Variants in GRHL1 observed in about 807,000 individuals in gnomAD.
The protein encoded by GRHL1 is grainyhead like transcription factor 1, also known as grainyhead-like protein 1 homolog.
In GRHL1, 38 loss-of-function variants were observed where a neutral mutation model predicts 75.7. The ratio of observed to expected loss-of-function variants is 0.50; its 90% CI spans 0.39 to 0.66. The LOEUF (loss-of-function observed/expected upper bound fraction) is 0.66, where lower values mean the gene tolerates loss of function less well. GRHL1 is among the 30% of genes least tolerant of loss of function. GRHL1 has a pLI of 0.00. For missense variants in GRHL1, 589 were observed against 767.5 expected, an observed-to-expected ratio of 0.77 and a Z score of 2.75; for synonymous variants, 266 against 279.4, an observed-to-expected ratio of 0.95 and a Z score of 0.48.
At position 9,964,333 on chromosome 2, in the gene GRHL1, A is replaced by G. The variant is rs1667398784; in HGVS notation, c.1002A>G (p.Arg334=). 1 of 1,574,890 alleles carries G rather than the reference A, an allele frequency of 6.3e-7. No homozygotes were observed. Among genetic ancestry groups the G allele is most frequent in the Admixed American group, 1.7e-5 (1 of 59,680 alleles). Residue 334 remains arginine (R), a synonymous_variant, in exon 7 of 16, where the codon AGA becomes AGG. Transcript: ENST00000324907. Reference sequence around the variant, plus strand: ...CCCGGCAGCACACCGCTAAACAAAGATGCATTGACATAGGTAAGCAGCTCA... The same window carrying G: ...CCCGGCAGCACACCGCTAAACAAAGGTGCATTGACATAGGTAAGCAGCTCA... ...WHSRQHTAKQ[R]CIDIADYKES...
At chr2:9,956,039 T>G (rs1464743738) in intron 2 of GRHL1, among the ~76,000 whole-genome samples, 3 of 152,254 alleles carry the variant, frequency 2.0e-5, no homozygotes, top group African/African-American at 7.2e-5. Flanking sequence ...CAGGATCTGT[T>G]TGGGATTACC....
At position 9,970,394 on chromosome 2, in the gene GRHL1, C is replaced by T. The variant is rs141413031; in HGVS notation, c.1110+5013C>T. ...TGGTTTTACTGTGTTGTGCATTCCA[C>T]GCTAAAACACCCTGGAGATTTGGGC... On this transcript the variant is annotated intron_variant, in intron 8 of 15. Coordinates refer to ENST00000324907, the MANE Select transcript of GRHL1 (RefSeq NM_198182.3). Among the ~76,000 whole-genome samples, 823 of 152,342 alleles carry T rather than the reference C, an allele frequency of 5.4e-3. 10 individuals carry two copies. Among genetic ancestry groups the T allele is most frequent in the African/African-American group, 0.019 (773 of 41,574 alleles).
At chr2:9,956,791 T>C (rs545497020) in intron 2 of GRHL1, among the ~76,000 whole-genome samples, 7 of 151,528 alleles carry the variant, frequency 4.6e-5, no homozygotes, top group African/African-American at 1.7e-4. Context: ...TGAAGTTACA[T>C]ATTTTTAACT....
chr2:9,976,656 G>C (rs1340359187), intron 8 of GRHL1, among the ~76,000 whole-genome samples: 1 of 152,172 alleles, frequency 6.6e-6, no homozygotes. Context: ...CAGTGCCAGG[G>C]TGTGCGCTTA....
chr2:9,982,645 G>T (rs933119729), intron 8 of GRHL1, among the ~76,000 whole-genome samples: 1 of 152,196 alleles, frequency 6.6e-6, no homozygotes, highest in African/African-American at 2.4e-5. Context: ...TGAGTCTGGG[G>T]TGGGCACCAG....
chr2:9,972,826 G>A (rs16867266), intron 8 of GRHL1, among the ~76,000 whole-genome samples: 31,585 of 152,164 alleles, frequency 0.21, 3,447 homozygotes, highest in African/African-American at 0.27. Flanking sequence ...CCTGCTTACA[G>A]GACCGTGACA....
Position 9,986,248 on chromosome 2 carries a change from G to T in GRHL1, c.1235G>T (p.Arg412Leu). Residue 412 changes from arginine (R) to leucine (L), a missense_variant, in exon 9 of 16, where the codon CGG (arginine) becomes CTG (leucine). By Grantham distance (102) the Arg-to-Leu change is moderately radical. This residue lies in a region of GRHL1 where 30 missense variants were observed against 40.3 expected (regional missense o/e 0.74). Transcript: ENST00000324907. ...AACCGCAGCAACAAGCCTGTGCACC[G>T]GGCCTACTGCCAGATCAAGGTCTTC... ...YNNRSNKPVH[R>L]AYCQIKVFCD... 1 of 1,613,620 alleles carries T rather than the reference G, an allele frequency of 6.2e-7. No individual in the cohort carries two copies. The highest frequency in any genetic ancestry group is 8.5e-7 in the Non-Finnish European group (1 of 1,179,836).
chr2:9,964,713 A>G (rs1667415925), intron 7 of GRHL1: 1 of 184,844 alleles, frequency 5.4e-6, no homozygotes, highest in Non-Finnish European at 1.1e-5. Context: ...AAACAAGTAA[A>G]AGAAAGATAT....
intron 10 of GRHL1, 125 bp from the exon 11 acceptor site, chr2:9,991,882 T>C: frequency 1.6e-6 from 1 of 631,788 alleles, no homozygotes; most frequent in African/African-American, 1.9e-5. Context: ...GCGTGCCCTG[T>C]TGTATCTTAC....
chr2:9,997,002 G>A (rs899165945), intron 14 of GRHL1, among the ~76,000 whole-genome samples: 2 of 152,168 alleles, frequency 1.3e-5, no homozygotes, highest in African/African-American at 4.8e-5. Context: ...CTGGAAAAAC[G>A]CATGTCATCA....
chr2:9,970,571 G>C (rs574099750), intron 8 of GRHL1, among the ~76,000 whole-genome samples: 1 of 152,172 alleles, frequency 6.6e-6, no homozygotes, highest in Non-Finnish European at 1.5e-5. Context: ...CTTATCTCTG[G>C]GTGTGCCAGA....
At chr2:9,980,419 C>CA (rs533688396) in intron 8 of GRHL1, among the ~76,000 whole-genome samples, 4,099 of 126,600 alleles carry the variant, frequency 0.032, 166 homozygotes, top group African/African-American at 0.11. Context: ...GTTTGAAAAC[C>CA]AAAAAAAAAA....
chr2:10,000,514 A>G (rs906551711), intron 15 of GRHL1, 79 bp from the exon 16 acceptor site: 3 of 731,574 alleles, frequency 4.1e-6, no homozygotes, highest in Non-Finnish European at 7.4e-6. Context: ...AGTAAGTGGG[A>G]GAGCTAACAG....
chr2:9,965,085 A>G, intron 7 of GRHL1: 1 of 476,906 alleles, frequency 2.1e-6, no homozygotes, highest in Non-Finnish European at 3.7e-6. Context: ...ATTGAATTAA[A>G]TATGTCTAAG....
intron 11 of GRHL1, 51 bp from the exon 12 acceptor site, chr2:9,993,156 C>T (rs12618788): frequency 0.15 from 200,459 of 1,295,296 alleles, 19,302 homozygotes; most frequent in Admixed American, 0.36. Context: ...TCATTTATGG[C>T]CAAACATTTT....
intron 3 of GRHL1, chr2:9,960,179 C>T (rs1446274104): frequency 6.6e-6 from 1 of 152,228 alleles, no homozygotes; most frequent in East Asian, 1.9e-4. Flanking sequence ...TGGCTCATGC[C>T]TGTAATCGCA....
chr2:9,967,232 C>A (rs1401148271), intron 8 of GRHL1, among the ~76,000 whole-genome samples: 1 of 152,210 alleles, frequency 6.6e-6, no homozygotes, highest in Non-Finnish European at 1.5e-5. Context: ...CCCCTTGATC[C>A]CCCAGGAGAG....
Position 9,955,035 on chromosome 2 carries a change from G to T in GRHL1, c.141G>T (p.Ala47=). 2 of 1,613,662 alleles carry T rather than the reference G, an allele frequency of 1.2e-6. No individual in the cohort carries two copies. Among genetic ancestry groups the T allele is most frequent in the Middle Eastern group, 1.7e-4 (1 of 6,054 alleles). ...ACCCTCTCACTGCAGCGACCAAAGCGATGATGAGCATCAATGGAGATGAAG... is the reference window on the plus strand; with the variant it reads ...ACCCTCTCACTGCAGCGACCAAAGCTATGATGAGCATCAATGGAGATGAAG... ...LENPLTAATK[A]MMSINGDEDS... Residue 47 remains alanine, a synonymous_variant, in exon 2 of 16, where the codon GCG becomes GCT. Transcript: ENST00000324907.
chr2:10,001,857 G>C lies in GRHL1; in HGVS notation c.*1150G>C, dbSNP rs1331044316. On this transcript the variant is annotated 3_prime_UTR_variant, in exon 16 of 16. Transcript: ENST00000324907. ...TTCTCATCTTCCTGTTTTGAGAAAT[G>C]ATTATTTTATCACGCATCAGAGCCT... 1.3e-5 allele frequency: 2 copies of C among 152,468 alleles called. No individual in the cohort carries two copies. The highest frequency in any genetic ancestry group is 2.9e-5 in the Non-Finnish European group (2 of 68,032). The allele number at this position is 152,468 out of a possible 1,614,324, so 9.4% of individuals were successfully genotyped here.
Sources: gnomAD v4.1 joint callset for allele counts (sites outside exome capture counted in the v4.1 genomes callset) on GRCh38, gnomAD v4.1.1 for gene constraint, gnomAD v4.1.1 regional missense constraint, MANE v1.5 for transcripts, NCBI Gene and HGNC (gene_info 2026-07-23, HGNC 2026-07-21) for gene names.